GNAL: variants seen among roughly 807,000 people sequenced by gnomAD.
The protein encoded by GNAL is G protein subunit alpha L.
GNAL carries 18 observed loss-of-function variants against 55.1 expected under a neutral mutation model. That is an observed-to-expected ratio of 0.33 (90% CI 0.23 to 0.48). GNAL has a LOEUF of 0.48. Among genes scored for constraint, GNAL ranks in the 20% least tolerant of loss-of-function variants. The probability of loss-of-function intolerance (pLI) is 0.99; values close to 1 mark genes in which losing one functional copy is unlikely to be tolerated. For synonymous variants in GNAL, 253 were observed against 237.0 expected (o/e 1.07, Z -0.62); for missense variants, 412 against 614.1 (o/e 0.67, Z 3.48).
chr18:11,830,282 C>CTTTTTTTTTT (rs71172023), intron 5 of GNAL, among the ~76,000 whole-genome samples: 1 of 99,218 alleles, frequency 1.0e-5, no homozygotes, highest in Admixed American at 1.4e-4. Context: ...AGAATTGCAT[C>CTTTTTTTTTT]TTTTTTTTTT....
chr18:11,727,161 ACCCTGCC>A (rs2032231296), intron 1 of GNAL, among the ~76,000 whole-genome samples: 2 of 151,776 alleles, frequency 1.3e-5, no homozygotes, highest in Admixed American at 1.3e-4. Flanking sequence ...CCCCACTACC[ACCCTGCC>A]CAGCCCTGCA....
chr18:11,760,118 C>G (rs553530631), intron 4 of GNAL, among the ~76,000 whole-genome samples: 2 of 152,084 alleles, frequency 1.3e-5, no homozygotes, highest in East Asian at 3.9e-4. Flanking sequence ...CCCCGCAGCT[C>G]GCTCTTGGAG....
chr18:11,757,842 C>T (rs2033109709), intron 4 of GNAL, among the ~76,000 whole-genome samples: 2 of 151,978 alleles, frequency 1.3e-5, no homozygotes. Context: ...TCAAGATGGA[C>T]ATTAAGGTTA....
At chr18:11,843,113 C>G (rs1055774886) in intron 5 of GNAL, among the ~76,000 whole-genome samples, 1 of 152,026 alleles carries the variant, frequency 6.6e-6, no homozygotes, top group Non-Finnish European at 1.5e-5. Context: ...GAAAAGATCC[C>G]TTGAGCCCAG....
At chr18:11,859,669 G>A (rs1205514091) in intron 5 of GNAL, among the ~76,000 whole-genome samples, 1 of 152,126 alleles carries the variant, frequency 6.6e-6, no homozygotes, top group African/African-American at 2.4e-5. Flanking sequence ...AGACACCACT[G>A]GCTGATCAGG....
intron 5 of GNAL, among the ~76,000 whole-genome samples, chr18:11,859,820 A>G (rs982136212): frequency 5.4e-5 from 8 of 148,794 alleles, no homozygotes; most frequent in African/African-American, 1.0e-4. Context: ...ATCTCGGCTC[A>G]CTACAACCTC....
chr18:11,868,108 A>G lies in GNAL; in HGVS notation c.911-435A>G, dbSNP rs766603249. On this transcript the variant is annotated intron_variant, in intron 8 of 11. Coordinates refer to ENST00000334049, the MANE Select transcript of GNAL (RefSeq NM_182978.4). This position sits in a 1 kb window ranked among gnomAD's most constrained non-coding sequence, Gnocchi z 4.0. ...CCATTGCACTCCAGCCTGGGCAACAAGAGTGAAACTCTGTCTCGGAAGAAA... is the reference window on the plus strand; with the variant it reads ...CCATTGCACTCCAGCCTGGGCAACAGGAGTGAAACTCTGTCTCGGAAGAAA... Among the ~76,000 whole-genome samples the G allele has an allele frequency of 2.2e-4, 34 of 152,018 alleles. No individual in the cohort carries two copies. The highest frequency in any genetic ancestry group is 5.9e-5 in the Non-Finnish European group (4 of 67,990).
chr18:11,885,646 C>A lies in GNAL; in HGVS notation c.*4511C>A. The A allele has an allele frequency of 6.3e-7, 1 of 1,596,092 alleles. No individual in the cohort carries two copies. ...GTGTTGATTTAAATACTTATGAAAG[C>A]TTTCAGACAAAAATAAACTTTCACG... is the stretch of plus-strand genomic sequence containing the variant. On this transcript the variant is annotated 3_prime_UTR_variant, in exon 12 of 12. Coordinates refer to ENST00000334049, the MANE Select transcript of GNAL (RefSeq NM_182978.4).
intron 4 of GNAL, among the ~76,000 whole-genome samples, chr18:11,821,176 C>G (rs952153359): frequency 6.6e-6 from 1 of 152,190 alleles, no homozygotes; most frequent in Non-Finnish European, 1.5e-5. Context: ...TCATGAGTGT[C>G]TTGTGTTGCT....
At chr18:11,865,400 C>G (rs1029202310) in intron 7 of GNAL, among the ~76,000 whole-genome samples, 1 of 149,326 alleles carries the variant, frequency 6.7e-6, no homozygotes, top group Non-Finnish European at 1.5e-5. Flanking sequence ...TTCTGTTCAT[C>G]TTGTCCTCTG....
chr18:11,717,300 C>T (rs2031994698), intron 1 of GNAL, among the ~76,000 whole-genome samples: 1 of 152,256 alleles, frequency 6.6e-6, no homozygotes, highest in Non-Finnish European at 1.5e-5. Context: ...CACACCTCCC[C>T]GCAAGCTGAG....
intron 4 of GNAL, among the ~76,000 whole-genome samples, chr18:11,815,198 A>G (rs2034923373): frequency 6.6e-6 from 1 of 152,172 alleles, no homozygotes; most frequent in Non-Finnish European, 1.5e-5. Flanking sequence ...TGATCATTAT[A>G]CTATGTATAT....
intron 4 of GNAL, among the ~76,000 whole-genome samples, chr18:11,806,651 C>T (rs1020722655): frequency 6.6e-6 from 1 of 151,968 alleles, no homozygotes; most frequent in African/African-American, 2.4e-5. Flanking sequence ...TTCACATAGA[C>T]GTCCTCCTGT....
chr18:11,874,833 AC>A (rs1180784278), intron 10 of GNAL, among the ~76,000 whole-genome samples: 1 of 95,546 alleles, frequency 1.0e-5, no homozygotes, highest in Non-Finnish European at 2.1e-5. Context: ...TGCTGCACCC[AC>A]CCACCCCCCA....
At chr18:11,876,453 A>G (rs1350161468) in intron 10 of GNAL, among the ~76,000 whole-genome samples, 168 bp from the exon 11 acceptor site, 2 of 129,654 alleles carry the variant, frequency 1.5e-5, no homozygotes, top group East Asian at 3.9e-4. Context: ...AGAGAGTGAG[A>G]CTCCGTCTCT....
intron 1 of GNAL, among the ~76,000 whole-genome samples, chr18:11,722,937 G>C (rs917901379): frequency 3.3e-5 from 5 of 151,680 alleles, no homozygotes; most frequent in African/African-American, 7.3e-5. Context: ...CTTGAACCTG[G>C]GAGGCGGAGG....
At chr18:11,792,007 GC>G (rs1277396097) in intron 4 of GNAL, among the ~76,000 whole-genome samples, 1 of 152,102 alleles carries the variant, frequency 6.6e-6, no homozygotes, top group Non-Finnish European at 1.5e-5. Context: ...TTAATTTCCT[GC>G]TAATTTTTTG....
chr18:11,733,377 C>T (rs765575819), intron 1 of GNAL, among the ~76,000 whole-genome samples: 5 of 152,180 alleles, frequency 3.3e-5, no homozygotes, highest in African/African-American at 7.2e-5. Flanking sequence ...AGAGCAGAAG[C>T]GAAACTGGGG....
At chr18:11,742,706 G>T (rs532774040) in intron 1 of GNAL, among the ~76,000 whole-genome samples, 4 of 152,100 alleles carry the variant, frequency 2.6e-5, no homozygotes, top group Non-Finnish European at 4.4e-5. Context: ...TTAAATGTGC[G>T]CCTTCCCTCC....
Sources: allele counts gnomAD v4.1 joint callset (sites outside exome capture counted in the v4.1 genomes callset), GRCh38; gene constraint gnomAD v4.1.1; non-coding constraint Gnocchi (gnomAD v3.1); transcripts MANE v1.5; gene names NCBI Gene and HGNC (gene_info 2026-07-23, HGNC 2026-07-21).